Variants in SEC14L2 observed in about 807,000 individuals in gnomAD.
The protein encoded by SEC14L2 is SEC14-like protein 2.
In SEC14L2, 50 loss-of-function variants were observed where a neutral mutation model predicts 56.9. That is an observed-to-expected ratio of 0.88 (90% CI 0.70 to 1.11). The LOEUF (loss-of-function observed/expected upper bound fraction) is 1.11, where lower values mean the gene tolerates loss of function less well. SEC14L2 is among the 50% of genes most tolerant of loss of function. The pLI, the probability that SEC14L2 is intolerant of heterozygous loss-of-function variation, is 0.00. For missense variants in SEC14L2, 414 were observed against 500.7 expected (o/e 0.83, Z 1.65); for synonymous variants, 179 against 188.5 (o/e 0.95, Z 0.41).
Position 30,399,730 on chromosome 22 carries a change from G to T in SEC14L2, c.130+12G>T. 1 of 1,611,266 alleles carries T rather than the reference G, an allele frequency of 6.2e-7. No homozygotes were observed. ...GCGTTGGCTCCGAGGTGAGGGAAGA[G>T]GGGCTGCGGGAGGCTGGGGCAGGGG... is the stretch of plus-strand genomic sequence containing the variant. On this transcript the variant is annotated intron_variant, in intron 2 of 11. Transcript: ENST00000615189.
intron 10 of SEC14L2, 31 bp from the exon 11 acceptor site, chr22:30,416,203 A>T: frequency 6.2e-7 from 1 of 1,611,130 alleles, no homozygotes; most frequent in Non-Finnish European, 8.5e-7. Context: ...CACAGACAGA[A>T]TTATGTCTCA....
chr22:30,403,217 C>T (rs929925373), intron 2 of SEC14L2, among the ~76,000 whole-genome samples: 53 of 152,340 alleles, frequency 3.5e-4, no homozygotes, highest in African/African-American at 1.3e-3. Context: ...GGGCTCCTCT[C>T]CCTCCCTTTC....
chr22:30,409,526 G>A (rs1934193001), intron 7 of SEC14L2, 40 bp downstream of exon 7: 1 of 1,586,052 alleles, frequency 6.3e-7, no homozygotes, highest in African/African-American at 1.3e-5. Context: ...AGATGGAAAA[G>A]AGGGGTCAAA....
chr22:30,413,508 A>C (rs1290030166), intron 8 of SEC14L2, among the ~76,000 whole-genome samples: 1 of 152,124 alleles, frequency 6.6e-6, no homozygotes, highest in Non-Finnish European at 1.5e-5. Flanking sequence ...CCACTTGAGC[A>C]CAAGAGTTTG....
chr22:30,412,070 G>A (rs1345937927), intron 8 of SEC14L2, among the ~76,000 whole-genome samples: 1 of 152,194 alleles, frequency 6.6e-6, no homozygotes, highest in Non-Finnish European at 1.5e-5. Flanking sequence ...GGCAAGGTAT[G>A]AGGCTGGAGA....
At chr22:30,399,847 C>T in intron 2 of SEC14L2, 129 bp downstream of exon 2, 1 of 682,750 alleles carries the variant, frequency 1.5e-6, no homozygotes, top group South Asian at 2.0e-5. Context: ...CCAAAGGGCC[C>T]TTGGCAATGA....
rs1433839197 is a variant in SEC14L2 at position 30,424,811 on chromosome 22, G to A, written c.*2404G>A. ...GTGAAGTGCACACATTGCTCACCTG[G>A]GTGAACTGAGGTCCAGCGGGGGAAG... On this transcript the variant is annotated 3_prime_UTR_variant, in exon 12 of 12. Coordinates refer to ENST00000615189, the MANE Select transcript of SEC14L2 (RefSeq NM_012429.5). The A allele has an allele frequency of 2.2e-6, 1 of 456,410 alleles. No individual in the cohort carries two copies. The allele number at this position is 456,410 out of a possible 1,614,324, so 28.3% of individuals were successfully genotyped here.
At chr22:30,411,096 T>C (rs1934235060) in intron 8 of SEC14L2, among the ~76,000 whole-genome samples, 1 of 151,308 alleles carries the variant, frequency 6.6e-6, no homozygotes, top group South Asian at 2.1e-4. Context: ...GACCCTGTCT[T>C]TACTAAAAAA....
In SEC14L2 at chr22:30,422,425, G is replaced by A; in HGVS notation, c.*18G>A. 6.2e-7 allele frequency: 1 copy of A among 1,613,932 alleles called. No homozygotes were observed. Among genetic ancestry groups the A allele is most frequent in the Non-Finnish European group, 8.5e-7 (1 of 1,179,950 alleles). ...CGAAATAACACCTTCTCCTATAGCA[G>A]GCCTGGCCCCCTCAGTGTCTCCCTG... On this transcript the variant is annotated 3_prime_UTR_variant, in exon 12 of 12. Transcript: ENST00000615189.
At position 30,423,972 on chromosome 22, in the gene SEC14L2, C is replaced by T. The variant is rs1438153557; in HGVS notation, c.*1565C>T. 6.6e-6 allele frequency: 1 copy of T among 152,188 alleles called. No homozygotes were observed. The highest frequency in any genetic ancestry group is 1.5e-5 in the Non-Finnish European group (1 of 67,970). The allele number at this position is 152,188 out of a possible 1,614,324, so 9.4% of individuals were successfully genotyped here. On this transcript the variant is annotated 3_prime_UTR_variant, in exon 12 of 12. Coordinates refer to ENST00000615189, the MANE Select transcript of SEC14L2 (RefSeq NM_012429.5). ...ATAGATAGGGCGCATGCGCAGAAAT[C>T]CTCCTCGGCTCTCTAGCGTGAGCTT...
chr22:30,409,329 G>A, intron 6 of SEC14L2, 47 bp downstream of exon 6: 1 of 1,601,208 alleles, frequency 6.2e-7, no homozygotes, highest in Non-Finnish European at 8.6e-7. Flanking sequence ...AAGGGGAGGA[G>A]GAGTAGACCC....
rs1934577466 is a variant in SEC14L2, at chr22:30,423,484, G to A, written c.*1077G>A. On this transcript the variant is annotated 3_prime_UTR_variant, in exon 12 of 12. Coordinates refer to ENST00000615189, the MANE Select transcript of SEC14L2 (RefSeq NM_012429.5). The stretch of plus-strand genomic sequence containing the variant: ...CCCCCAGGCAGGAGGCCGCCCAAAG[G>A]CGGGGCCGGCGTCTCGCAGACTAGG... 6.6e-6 allele frequency: 1 copy of A among 152,500 alleles called. No individual in the cohort carries two copies. The highest frequency in any genetic ancestry group is 2.1e-4 in the South Asian group (1 of 4,836). The allele number at this position is 152,500 out of a possible 1,614,324, so 9.4% of individuals were successfully genotyped here.
At chr22:30,404,669 C>T (rs532784584) in intron 2 of SEC14L2, among the ~76,000 whole-genome samples, 4 of 152,298 alleles carry the variant, frequency 2.6e-5, no homozygotes, top group African/African-American at 9.6e-5. Context: ...TAAGGTCTCT[C>T]CTCTCCATGT....
chr22:30,404,922 T>C (rs1032386105), intron 2 of SEC14L2, among the ~76,000 whole-genome samples: 4 of 151,926 alleles, frequency 2.6e-5, no homozygotes, highest in Admixed American at 2.0e-4. Context: ...ATACAAAAAT[T>C]AGCCAGGTGT....
In SEC14L2 at chr22:30,407,432, G is replaced by A. The variant is rs1353706903; in HGVS notation, c.252G>A (p.Leu84=). The change falls in exon 5 of 12, where the codon CTG becomes CTA. Residue 84 remains leucine (L), a synonymous_variant. Transcript: ENST00000615189. ...WQPPEVIQQY[L]SGGMCGYDLD... Reference sequence around the variant, plus strand: ...TTGCCCAGGTGATCCAACAGTATCTGTCAGGGGGTATGTGTGGCTATGACC... The same window carrying A: ...TTGCCCAGGTGATCCAACAGTATCTATCAGGGGGTATGTGTGGCTATGACC... 1.2e-6 allele frequency: 2 copies of A among 1,613,954 alleles called. No individual in the cohort carries two copies. Among genetic ancestry groups the A allele is most frequent in the African/African-American group, 1.3e-5 (1 of 74,922 alleles).
intron 5 of SEC14L2, among the ~76,000 whole-genome samples, chr22:30,408,502 T>C (rs1934160441): frequency 6.6e-6 from 1 of 151,760 alleles, no homozygotes; most frequent in Non-Finnish European, 1.5e-5. Context: ...AGAGGATCAC[T>C]TGAACTTGGG....
At chr22:30,413,487 A>T (rs1934307223) in intron 8 of SEC14L2, among the ~76,000 whole-genome samples, 1 of 152,190 alleles carries the variant, frequency 6.6e-6, no homozygotes, top group Non-Finnish European at 1.5e-5. Context: ...CGGGAGGCTG[A>T]GGCAGGAGGA....
chr22:30,404,358 CTT>C (rs1230265084), intron 2 of SEC14L2, among the ~76,000 whole-genome samples: 2 of 152,170 alleles, frequency 1.3e-5, no homozygotes, highest in Non-Finnish European at 2.9e-5. Context: ...GTTCAAATCT[CTT>C]GAGGGAGCCT....
At chr22:30,404,025 AAAAAGAAAAAAAAAAAAAG>A (rs1276404101) in intron 2 of SEC14L2, among the ~76,000 whole-genome samples, 1 of 136,766 alleles carries the variant, frequency 7.3e-6, no homozygotes, top group Non-Finnish European at 1.6e-5. Context: ...AAAAAAAAAA[AAAAAGAAAAAAAAAAAAAG>A]AAGATAAGGG....
Sources: allele counts gnomAD v4.1 joint callset (sites outside exome capture counted in the v4.1 genomes callset), GRCh38; gene constraint gnomAD v4.1.1; transcripts MANE v1.5; gene names NCBI Gene and HGNC (gene_info 2026-07-23, HGNC 2026-07-21).